AQP9: variants seen among roughly 807,000 people sequenced by gnomAD.
The protein encoded by AQP9 is aquaporin 9.
In AQP9, 19 loss-of-function variants were observed where a neutral mutation model predicts 23.8. The observed-to-expected ratio is 0.80, with a 90% CI of 0.56 to 1.17. The LOEUF (loss-of-function observed/expected upper bound fraction) is 1.17, where lower values mean the gene tolerates loss of function less well. AQP9 is among the 50% of genes most tolerant of loss of function. The pLI, the probability that AQP9 is intolerant of heterozygous loss-of-function variation, is 0.00. For synonymous variants in AQP9, 153 were observed against 131.5 expected (o/e 1.16, Z -1.12); for missense variants, 413 against 362.0 (o/e 1.14, Z -1.14).
chr15:58,153,935 T>C (rs1245231064), intron 1 of AQP9: 4 of 152,128 alleles, frequency 2.6e-5, no homozygotes, highest in Non-Finnish European at 5.9e-5. Context: ...CCTTTCCTAA[T>C]TAACCCAATT....
At position 58,171,506 on chromosome 15, in the gene AQP9, A is replaced by G. The variant is rs141349121; in HGVS notation, c.239-1562A>G. Among the ~76,000 whole-genome samples the G allele has an allele frequency of 4.2e-3, 633 of 151,568 alleles. 8 individuals are homozygous for G. The highest frequency in any genetic ancestry group is 0.014 in the African/African-American group (582 of 41,298). On this transcript the variant is annotated intron_variant, in intron 2 of 5. Coordinates refer to ENST00000219919, the MANE Select transcript of AQP9 (RefSeq NM_020980.5). The stretch of plus-strand genomic sequence containing the variant: ...CCTGTGTGCCCCCTCCTCCCTCCTA[A>G]CCCCTGTTTCTAGCCTTCCCTGGTA...
chr15:58,155,960 A>G (rs149871227), intron 1 of AQP9: 2 of 152,262 alleles, frequency 1.3e-5, no homozygotes, highest in Non-Finnish European at 2.9e-5. Flanking sequence ...CCAATCAGCT[A>G]CCCTTTTATT....
In AQP9 at chr15:58,185,233, T is replaced by C. The variant is rs1243976823; in HGVS notation, c.*1098T>C. ...AAATCTTAGGGAAGATAAGTTGAGT[T>C]GTCCAAGAGCACACTGAAAGTTGAA... is the stretch of plus-strand genomic sequence containing the variant. On this transcript the variant is annotated 3_prime_UTR_variant, in exon 6 of 6. Coordinates refer to ENST00000219919, the MANE Select transcript of AQP9 (RefSeq NM_020980.5). 6.5e-6 allele frequency: 1 copy of C among 152,784 alleles called. No homozygotes were observed. Among genetic ancestry groups the C allele is most frequent in the East Asian group, 1.9e-4 (1 of 5,188 alleles). 9.5% of individuals were successfully genotyped at this position (152,784 alleles called of 1,614,324 possible).
rs535702824 is a variant in AQP9, at chr15:58,154,881, A to C, written c.112-11792A>C. On this transcript the variant is annotated intron_variant, in intron 1 of 5. Transcript: ENST00000219919. ...AAAGAATACTTAATAATAAATCATAAGCCATTATTCCTACATGGACTATAA... is the reference window on the plus strand; with the variant it reads ...AAAGAATACTTAATAATAAATCATACGCCATTATTCCTACATGGACTATAA... 16 of 152,536 alleles carry C rather than the reference A, an allele frequency of 1.0e-4. No homozygotes were observed. In the East Asian group the frequency reaches 2.9e-3, roughly 28 times the overall value. 9.4% of individuals were successfully genotyped at this position (152,536 alleles called of 1,614,324 possible). A position where few individuals can be genotyped will look rare whatever the true frequency, so the allele number is the denominator to read the frequency against.
intron 1 of AQP9, among the ~76,000 whole-genome samples, chr15:58,148,371 T>C (rs1427533597): frequency 6.6e-6 from 1 of 152,350 alleles, no homozygotes; most frequent in East Asian, 1.9e-4. Flanking sequence ...TCTTCAGCTC[T>C]ACTTAACCAC....
At chr15:58,174,793 G>A (rs1468331060) in intron 3 of AQP9, 125 bp from the exon 4 acceptor site, 3 of 758,770 alleles carry the variant, frequency 4.0e-6, no homozygotes, top group Non-Finnish European at 6.8e-6. Flanking sequence ...GAAGTAGAGA[G>A]AGACAAATGA....
intron 1 of AQP9, chr15:58,138,892 T>C (rs907520309): frequency 2.0e-6 from 1 of 488,760 alleles, no homozygotes; most frequent in Non-Finnish European, 3.7e-6. Flanking sequence ...CAAAAGTTGA[T>C]GGGAATGGAA....
intron 2 of AQP9, among the ~76,000 whole-genome samples, chr15:58,172,194 A>T (rs763427517): frequency 6.6e-6 from 1 of 152,202 alleles, no homozygotes; most frequent in Non-Finnish European, 1.5e-5. Context: ...GCCTTAAGAA[A>T]CTTACTTTCC....
intron 4 of AQP9, among the ~76,000 whole-genome samples, chr15:58,177,783 T>A (rs181924012): frequency 7.0e-4 from 106 of 152,336 alleles, no homozygotes; most frequent in Admixed American, 5.8e-3. Flanking sequence ...ATCATTTAAC[T>A]GTTAAAGTAA....
chr15:58,165,224 G>A (rs1898472658), intron 1 of AQP9, among the ~76,000 whole-genome samples: 1 of 152,096 alleles, frequency 6.6e-6, no homozygotes, highest in Non-Finnish European at 1.5e-5. Flanking sequence ...AAAGCTGGTG[G>A]TCATTTGCTG....
At chr15:58,144,790 C>T (rs764745212) in intron 1 of AQP9, among the ~76,000 whole-genome samples, 5 of 151,174 alleles carry the variant, frequency 3.3e-5, no homozygotes, top group South Asian at 4.2e-4. Flanking sequence ...CCGAGGTGGG[C>T]GGATCAAGAG....
chr15:58,167,546 G>A (rs753933022), intron 2 of AQP9, among the ~76,000 whole-genome samples: 55 of 152,212 alleles, frequency 3.6e-4, no homozygotes, highest in South Asian at 2.1e-4. Flanking sequence ...CTTTACAACA[G>A]CACTCTGAGG....
chr15:58,150,456 T>G (rs1452002110), intron 1 of AQP9: 2 of 152,676 alleles, frequency 1.3e-5, no homozygotes, highest in Admixed American at 6.5e-5. Context: ...CAACTAAAAT[T>G]TCACTTTACA....
At chr15:58,145,585 C>T (rs1898030941) in intron 1 of AQP9, among the ~76,000 whole-genome samples, 1 of 151,918 alleles carries the variant, frequency 6.6e-6, no homozygotes, top group Admixed American at 6.6e-5. Context: ...AAAATTCTAA[C>T]TCCAATCAAC....
chr15:58,160,210 T>C (rs1173815629), intron 1 of AQP9, among the ~76,000 whole-genome samples: 1 of 152,174 alleles, frequency 6.6e-6, no homozygotes, highest in African/African-American at 2.4e-5. Flanking sequence ...CGCTATCTCA[T>C]TGTGGTTTTG....
intron 5 of AQP9, among the ~76,000 whole-genome samples, chr15:58,183,652 C>T (rs1275946378): frequency 6.6e-6 from 1 of 152,076 alleles, no homozygotes; most frequent in Admixed American, 6.5e-5. Context: ...AATAATTGAC[C>T]TGAACTTTCT....
At chr15:58,181,320 T>C (rs1166890504) in intron 5 of AQP9, among the ~76,000 whole-genome samples, 8 of 152,340 alleles carry the variant, frequency 5.3e-5, no homozygotes, top group African/African-American at 1.7e-4. Context: ...CTAGTTTCTG[T>C]CCTTCACTGT....
intron 1 of AQP9, among the ~76,000 whole-genome samples, chr15:58,142,596 C>T (rs1897970350): frequency 6.6e-6 from 1 of 152,300 alleles, no homozygotes; most frequent in East Asian, 1.9e-4. Flanking sequence ...CTCTGATAAA[C>T]ACATTGACCA....
At position 58,174,999 on chromosome 15, in the gene AQP9, C is replaced by T; in HGVS notation, c.458C>T (p.Ala153Val). 10 of 1,614,178 alleles carry T rather than the reference C, an allele frequency of 6.2e-6. No individual in the cohort carries two copies. The highest frequency in any genetic ancestry group is 8.5e-6 in the Non-Finnish European group (10 of 1,179,974). The change falls in exon 4 of 6, where the codon GCT becomes GTT. Residue 153 changes from alanine (A) to valine (V), a missense_variant. By Grantham distance (64) the Ala-to-Val change is moderately conservative. Transcript: ENST00000219919. ...ATAHIFATYP[A>V]PYLSLANAFA... ...GCACACATTTTTGCAACATACCCAG[C>T]TCCGTATCTATCTCTGGCGAACGCA...
Sources: gnomAD v4.1 joint callset for allele counts (sites outside exome capture counted in the v4.1 genomes callset) on GRCh38, gnomAD v4.1.1 for gene constraint, MANE v1.5 for transcripts, NCBI Gene and HGNC (gene_info 2026-07-23, HGNC 2026-07-21) for gene names.